NEBL: variants seen among roughly 807,000 people sequenced by gnomAD.
NEBL encodes the protein LIM and SH3 protein 2.
In NEBL, 122 loss-of-function variants were observed where a neutral mutation model predicts 140.2. The observed-to-expected ratio is 0.87, with a 90% CI of 0.75 to 1.01. The LOEUF (loss-of-function observed/expected upper bound fraction) is 1.01, where lower values mean the gene tolerates loss of function less well. NEBL is among the 50% of genes least tolerant of loss of function. NEBL has a pLI of 0.00. For synonymous variants in NEBL, 436 were observed against 398.9 expected, an observed-to-expected ratio of 1.09 and a Z score of -1.11; for missense variants, 1,365 against 1,231.3, an observed-to-expected ratio of 1.11 and a Z score of -1.62.
At chr10:21,256,726 G>C (rs1264596412) in intron 1 of NEBL, among the ~76,000 whole-genome samples, 1 of 152,152 alleles carries the variant, frequency 6.6e-6, no homozygotes, top group Non-Finnish European at 1.5e-5. Flanking sequence ...AGCTACTCAA[G>C]AGACTGATAC....
At chr10:21,201,288 A>G (rs1841731139) in intron 3 of NEBL, among the ~76,000 whole-genome samples, 2 of 152,180 alleles carry the variant, frequency 1.3e-5, no homozygotes, top group Admixed American at 1.3e-4. Context: ...GGCTTTCTCT[A>G]GTAAGTGTGT....
chr10:20,815,790 A>C lies in NEBL; in HGVS notation c.2149-73T>G, dbSNP rs554850857. The C allele has an allele frequency of 2.8e-4, 310 of 1,110,620 alleles. 2 individuals carry two copies. In the Middle Eastern group the frequency reaches 3.3e-3, roughly 12 times the overall value. The allele number at this position is 1,110,620 out of a possible 1,614,324, so 68.8% of individuals were successfully genotyped here. ...AAAGAGACTTATTTATTTATTTAAG[A>C]CAGGGTCTTGCTCTGTCACCCAGGC... is the stretch of plus-strand genomic sequence containing the variant. On this transcript the variant is annotated intron_variant, in intron 21 of 27. Coordinates refer to ENST00000377122, the MANE Select transcript of NEBL (RefSeq NM_006393.3).
chr10:20,985,840 G>A (rs887047824), intron 3 of NEBL, among the ~76,000 whole-genome samples: 1 of 152,244 alleles, frequency 6.6e-6, no homozygotes, highest in East Asian at 1.9e-4. Flanking sequence ...AAAAGGACCA[G>A]CAGGAAAATA....
chr10:21,233,768 C>T (rs1206257016), intron 3 of NEBL, among the ~76,000 whole-genome samples: 1 of 134,000 alleles, frequency 7.5e-6, no homozygotes, highest in Non-Finnish European at 1.6e-5. Flanking sequence ...ATATATATTA[C>T]ATATAAATGC....
intron 5 of NEBL, among the ~76,000 whole-genome samples, chr10:20,880,014 C>T (rs189981863): frequency 9.2e-5 from 14 of 152,292 alleles, no homozygotes; most frequent in African/African-American, 2.9e-4. Flanking sequence ...GCATCTATTG[C>T]TGTCATATTC....
chr10:20,787,429 G>A, intron 26 of NEBL, 121 bp from the exon 27 acceptor site: 1 of 793,972 alleles, frequency 1.3e-6, no homozygotes, highest in Non-Finnish European at 2.1e-6. Flanking sequence ...TGCCTTTTCA[G>A]TGTTGTGAAA....
chr10:21,232,555 C>T (rs980203553), intron 3 of NEBL, among the ~76,000 whole-genome samples: 2 of 152,174 alleles, frequency 1.3e-5, no homozygotes, highest in African/African-American at 4.8e-5. Context: ...GAGACAGTAA[C>T]AGGTCATCAG....
intron 4 of NEBL, among the ~76,000 whole-genome samples, chr10:20,927,410 C>G (rs1054976637): frequency 2.0e-5 from 3 of 152,174 alleles, no homozygotes; most frequent in African/African-American, 7.2e-5. Context: ...TCTTGTAGAT[C>G]TACTCCACAG....
chr10:21,030,773 C>T, intron 2 of NEBL: 1 of 418,228 alleles, frequency 2.4e-6, no homozygotes, highest in Non-Finnish European at 4.7e-6. Flanking sequence ...GAGCATGACT[C>T]CAGATCTGCA....
At chr10:21,202,998 G>C (rs1377153910) in intron 3 of NEBL, among the ~76,000 whole-genome samples, 4 of 152,166 alleles carry the variant, frequency 2.6e-5, no homozygotes, top group Non-Finnish European at 5.9e-5. Flanking sequence ...AGCAAGTTTG[G>C]CAACGCATTT....
At chr10:20,798,111 A>C (rs1367314197) in intron 26 of NEBL, among the ~76,000 whole-genome samples, 15 of 35,384 alleles carry the variant, frequency 4.2e-4, no homozygotes, top group African/African-American at 1.8e-3. Flanking sequence ...TTCTAATTAC[A>C]AAAAAAAAAA....
At chr10:20,848,934 A>T (rs1349942642) in intron 11 of NEBL, among the ~76,000 whole-genome samples, 7 of 152,210 alleles carry the variant, frequency 4.6e-5, no homozygotes, top group Non-Finnish European at 1.0e-4. Context: ...GAATTATAAC[A>T]TTTCAACAAA....
chr10:21,097,928 G>A (rs1406789178), intron 2 of NEBL, among the ~76,000 whole-genome samples: 1 of 152,084 alleles, frequency 6.6e-6, no homozygotes, highest in East Asian at 1.9e-4. Flanking sequence ...TTGTTTAATG[G>A]TCTAGACAAG....
chr10:20,917,549 AT>A (rs1353178507), intron 4 of NEBL, among the ~76,000 whole-genome samples: 1 of 152,190 alleles, frequency 6.6e-6, no homozygotes, highest in Non-Finnish European at 1.5e-5. Context: ...ACACATTACT[AT>A]GCATCACGTA....
intron 3 of NEBL, among the ~76,000 whole-genome samples, chr10:21,189,754 A>AC (rs1841543367): frequency 6.6e-6 from 1 of 152,184 alleles, no homozygotes; most frequent in South Asian, 2.1e-4. Flanking sequence ...GGCATGAGCC[A>AC]CCGCGCCTGG....
At chr10:21,196,833 T>C (rs772878825) in intron 3 of NEBL, among the ~76,000 whole-genome samples, 1 of 152,252 alleles carries the variant, frequency 6.6e-6, no homozygotes, top group African/African-American at 2.4e-5. Flanking sequence ...TATGTCAATA[T>C]CATTAAGCAT....
At chr10:21,015,599 C>T (rs1345522237) in intron 3 of NEBL, among the ~76,000 whole-genome samples, 1 of 152,194 alleles carries the variant, frequency 6.6e-6, no homozygotes, top group Admixed American at 6.5e-5. Context: ...CAGCCTCCAA[C>T]TCCTGGGCTC....
At chr10:20,808,302 G>A (rs996159548) in intron 26 of NEBL, among the ~76,000 whole-genome samples, 6 of 151,524 alleles carry the variant, frequency 4.0e-5, no homozygotes, top group Admixed American at 1.3e-4. Context: ...GAAGTAAGAC[G>A]GGGGGAAAAT....
chr10:20,894,631 TAGGCCGGGCATGGTGGCTC>T (rs1847291194), intron 2 of NEBL, among the ~76,000 whole-genome samples: 1 of 151,298 alleles, frequency 6.6e-6, no homozygotes, highest in African/African-American at 2.4e-5. Context: ...TAAGCCAGAA[TAGGCCGGGCATGGTGGCTC>T]ACGCCTGTAA....
Sources: allele counts gnomAD v4.1 joint callset (sites outside exome capture counted in the v4.1 genomes callset), GRCh38; gene constraint gnomAD v4.1.1; transcripts MANE v1.5; gene names NCBI Gene and HGNC (gene_info 2026-07-23, HGNC 2026-07-21).